SV2C: variants seen among roughly 807,000 people sequenced by gnomAD.
SV2C encodes the protein solute carrier family 22 member B3.
SV2C carries 49 observed loss-of-function variants against 79.7 expected under a neutral mutation model. The observed-to-expected ratio is 0.61, with a 90% CI of 0.49 to 0.78. The LOEUF (loss-of-function observed/expected upper bound fraction) is 0.78, where lower values mean the gene tolerates loss of function less well. Ranked by LOEUF, SV2C falls within the 30% of genes least tolerant of loss-of-function variation. The pLI, the probability that SV2C is intolerant of heterozygous loss-of-function variation, is 0.00. For missense variants in SV2C, 833 were observed against 912.9 expected, an observed-to-expected ratio of 0.91 and a Z score of 1.13; for synonymous variants, 334 against 333.2, an observed-to-expected ratio of 1.00 and a Z score of -0.03.
intron 4 of SV2C, among the ~76,000 whole-genome samples, chr5:76,222,230 T>G (rs1745086992): frequency 1.3e-5 from 2 of 152,144 alleles, no homozygotes; most frequent in South Asian, 4.1e-4. Context: ...CATACAACTT[T>G]ATTTGTAACA....
chr5:75,886,761 G>C, the SV2C span, among the ~76,000 whole-genome samples: 2 of 152,020 alleles, frequency 1.3e-5, no homozygotes, highest in Non-Finnish European at 2.9e-5. Flanking sequence ...GGGGCGGTGG[G>C]GTGGTTCTCT....
intron 7 of SV2C, 58 bp from the exon 8 acceptor site, chr5:76,291,710 G>A (rs769515468): frequency 6.0e-5 from 72 of 1,202,948 alleles, no homozygotes; most frequent in Non-Finnish European, 8.0e-5. Context: ...GGAAGGGGTC[G>A]GGGAGTGGGG....
the SV2C span, among the ~76,000 whole-genome samples, chr5:75,867,017 T>C: frequency 1.3e-5 from 2 of 152,174 alleles, no homozygotes; most frequent in Admixed American, 1.3e-4. Context: ...TCTTGCTGAT[T>C]TCTCTGTGTC....
At chr5:75,900,242 C>T in the SV2C span, among the ~76,000 whole-genome samples, 2 of 152,068 alleles carry the variant, frequency 1.3e-5, no homozygotes, top group Admixed American at 6.5e-5. Flanking sequence ...TTCAGGAGCT[C>T]TTTTAGGGCA....
At chr5:76,237,574 A>G (rs1357151730) in intron 4 of SV2C, among the ~76,000 whole-genome samples, 6 of 152,184 alleles carry the variant, frequency 3.9e-5, no homozygotes, top group Non-Finnish European at 7.3e-5. Context: ...TTGGTGAAGT[A>G]TAATCTTTGG....
chr5:76,164,137 A>G (rs924552051), intron 2 of SV2C, among the ~76,000 whole-genome samples: 29 of 152,226 alleles, frequency 1.9e-4, no homozygotes, highest in African/African-American at 6.8e-4. Context: ...TTAAGCAAAG[A>G]ACTTCAACTA....
chr5:76,313,441 G>A (rs1327344740), intron 12 of SV2C, among the ~76,000 whole-genome samples: 2 of 152,072 alleles, frequency 1.3e-5, no homozygotes, highest in Admixed American at 6.6e-5. Flanking sequence ...GAAGGGGGTG[G>A]GGAATATATG....
At chr5:75,888,079 G>A in the SV2C span, among the ~76,000 whole-genome samples, 7 of 151,974 alleles carry the variant, frequency 4.6e-5, no homozygotes, top group East Asian at 5.8e-4. Flanking sequence ...TATCATTATC[G>A]AAAATAGGAT....
chr5:76,101,060 C>A (rs537888663), intron 1 of SV2C, among the ~76,000 whole-genome samples: 27 of 151,282 alleles, frequency 1.8e-4, no homozygotes, highest in Non-Finnish European at 3.2e-4. Context: ...TTTATCAGGC[C>A]AAAAGAGGGA....
the SV2C span, among the ~76,000 whole-genome samples, chr5:76,078,052 T>A: frequency 6.6e-6 from 1 of 152,112 alleles, no homozygotes; most frequent in Admixed American, 6.5e-5. Flanking sequence ...GACCTGGAGG[T>A]CTGAGCATGC....
chr5:76,309,046 T>C (rs1203784067), intron 12 of SV2C, among the ~76,000 whole-genome samples: 1 of 152,072 alleles, frequency 6.6e-6, no homozygotes, highest in Non-Finnish European at 1.5e-5. Flanking sequence ...AGAAGTTCCA[T>C]TTAATTGAGA....
chr5:76,024,718 C>T, the SV2C span, among the ~76,000 whole-genome samples: 1 of 152,174 alleles, frequency 6.6e-6, no homozygotes, highest in South Asian at 2.1e-4. Context: ...TCCAGGACAC[C>T]CACATAGACC....
the SV2C span, among the ~76,000 whole-genome samples, chr5:76,014,011 C>T: frequency 2.7e-3 from 412 of 152,076 alleles, 6 homozygotes; most frequent in Admixed American, 0.023. Flanking sequence ...CTAAGTGGGA[C>T]TTCTGAATGT....
intron 4 of SV2C, chr5:76,280,936 G>A (rs1167444469): frequency 7.5e-6 from 4 of 531,880 alleles, no homozygotes; most frequent in Admixed American, 3.9e-5. Flanking sequence ...GCGCGACAGG[G>A]TCTGAGCCTG....
At chr5:76,213,531 C>T (rs1217792639) in intron 4 of SV2C, among the ~76,000 whole-genome samples, 1 of 152,160 alleles carries the variant, frequency 6.6e-6, no homozygotes, top group East Asian at 1.9e-4. Context: ...TGGATTTACC[C>T]CACATCAATC....
At chr5:76,134,403 C>T (rs2112193329) in intron 2 of SV2C, among the ~76,000 whole-genome samples, 1 of 152,214 alleles carries the variant, frequency 6.6e-6, no homozygotes, top group South Asian at 2.1e-4. Context: ...ATTGTTTTGC[C>T]ATTTTCATTT....
the SV2C span, among the ~76,000 whole-genome samples, chr5:75,966,958 A>G: frequency 6.6e-6 from 1 of 152,180 alleles, no homozygotes; most frequent in African/African-American, 2.4e-5. Context: ...ACTTACTAAT[A>G]TATATATTCA....
rs548550100 is a variant in SV2C, at chr5:76,115,569, C to T, written c.-101-16081C>T. ...TGTCTTTAATGAGATTTAATAAATG[C>T]TACCTATTTTCAAAGATGCCATGCT... On this transcript the variant is annotated intron_variant, in intron 1 of 12. Transcript: ENST00000502798. 1.2e-4 allele frequency among the ~76,000 whole-genome samples: 19 copies of T among 152,232 alleles called. No individual in the cohort carries two copies. The South Asian group carries it at 1.7e-3, about 13-fold the overall frequency.
At position 76,327,717 on chromosome 5, in the gene SV2C, G is replaced by A. The variant is rs1318335302; in HGVS notation, c.*2170G>A. The A allele has an allele frequency of 6.6e-6, 1 of 152,202 alleles. No individual in the cohort carries two copies. The allele number at this position is 152,202 out of a possible 1,614,324, so 9.4% of individuals were successfully genotyped here. A position where few individuals can be genotyped will look rare whatever the true frequency, so the allele number is the denominator to read the frequency against. On this transcript the variant is annotated 3_prime_UTR_variant, in exon 13 of 13. Transcript: ENST00000502798. ...GGCATCGCTGTCTCTAGTCCTCTGT[G>A]ATAGTTCACTTTGCTAACTAGACTA...
Sources: gnomAD v4.1 joint callset for allele counts (sites outside exome capture counted in the v4.1 genomes callset) on GRCh38, gnomAD v4.1.1 for gene constraint, MANE v1.5 for transcripts, NCBI Gene and HGNC (gene_info 2026-07-23, HGNC 2026-07-21) for gene names.